Variants in L3MBTL3 observed in about 807,000 individuals in gnomAD.
The protein encoded by L3MBTL3 is L3MBTL histone methyl-lysine binding protein 3, also known as lethal(3)malignant brain tumor-like protein 3.
A neutral mutation model predicts 102.3 loss-of-function variants in L3MBTL3; 27 were observed. The ratio of observed to expected loss-of-function variants is 0.26; its 90% CI spans 0.19 to 0.36. The LOEUF (loss-of-function observed/expected upper bound fraction) is 0.36, where lower values mean the gene tolerates loss of function less well. Ranked by LOEUF, L3MBTL3 falls within the 10% of genes least tolerant of loss-of-function variation. L3MBTL3 has a pLI of 1.00. For synonymous variants in L3MBTL3, 340 were observed against 320.9 expected, an observed-to-expected ratio of 1.06 and a Z score of -0.64; for missense variants, 798 against 955.3, an observed-to-expected ratio of 0.84 and a Z score of 2.17.
Position 130,052,976 on chromosome 6 carries a change from G to C in L3MBTL3, c.567G>C (p.Glu189Asp). The C allele has an allele frequency of 6.2e-7, 1 of 1,613,454 alleles. No individual in the cohort carries two copies. Among genetic ancestry groups the C allele is most frequent in the Non-Finnish European group, 8.5e-7 (1 of 1,179,404 alleles). Residue 189 changes from glutamate to aspartate, a missense_variant, in exon 7 of 23, where the codon GAG becomes GAC. Physicochemically the swap from Glu to Asp is conservative, Grantham distance 45 (BLOSUM62 2). Transcript: ENST00000361794. ...CTGACACCAAGGAGGATGGAGAAGA[G>C]AGAGATGATGAAATGGTGAGTGCCT... ...LKADTKEDGEERDDEMENKQD... is the reference protein window; with the variant it reads ...LKADTKEDGEDRDDEMENKQD...
chr6:130,070,584 A>G (rs923212552), intron 12 of L3MBTL3, among the ~76,000 whole-genome samples: 4 of 152,156 alleles, frequency 2.6e-5, no homozygotes, highest in African/African-American at 7.2e-5. Flanking sequence ...TTTTGTGTGA[A>G]TAATTTTCAT....
chr6:130,079,764 C>T (rs919516861), intron 14 of L3MBTL3, among the ~76,000 whole-genome samples: 4 of 152,138 alleles, frequency 2.6e-5, no homozygotes, highest in African/African-American at 9.7e-5. Context: ...TCTCCAGTTC[C>T]TTGATACAGT....
At chr6:130,041,781 A>G (rs762708642) in intron 2 of L3MBTL3, among the ~76,000 whole-genome samples, 1 of 152,172 alleles carries the variant, frequency 6.6e-6, no homozygotes, top group Non-Finnish European at 1.5e-5. Flanking sequence ...GTTTGACAAG[A>G]TGTTTCAGTT....
rs1194935431 is a variant in L3MBTL3, at chr6:130,140,716, T to A, written c.*963T>A. On this transcript the variant is annotated 3_prime_UTR_variant, in exon 23 of 23. Transcript: ENST00000361794. Reference sequence around the variant, plus strand: ...GAGCTCATTCTGTCAACAGAAACACTAATCTGTACAGAGCGCTGTCTCAGG... The same window carrying A: ...GAGCTCATTCTGTCAACAGAAACACAAATCTGTACAGAGCGCTGTCTCAGG... 1 of 152,238 alleles carries A rather than the reference T, an allele frequency of 6.6e-6. No individual in the cohort carries two copies. The allele number at this position is 152,238 out of a possible 1,614,324, so 9.4% of individuals were successfully genotyped here.
intron 15 of L3MBTL3, 121 bp from the exon 16 acceptor site, chr6:130,086,019 C>T: frequency 1.5e-6 from 1 of 672,742 alleles, no homozygotes; most frequent in Non-Finnish European, 2.7e-6. Context: ...TTCCAAAGTG[C>T]TGGGATTACA....
At chr6:130,103,352 T>A (rs561657902) in intron 18 of L3MBTL3, among the ~76,000 whole-genome samples, 6 of 152,246 alleles carry the variant, frequency 3.9e-5, no homozygotes, top group Non-Finnish European at 8.8e-5. Flanking sequence ...ATGAGATATC[T>A]GTGATATATC....
rs187234593 is a variant in L3MBTL3, at chr6:130,055,128, A to G, written c.583-43A>G. On this transcript the variant is annotated intron_variant, in intron 7 of 22. Transcript: ENST00000361794. ...GCTCTCTAACTATTCACTGGTGCCA[A>G]TTTCTTGAACTTTAAAGTCATAATT... The G allele has an allele frequency of 3.7e-3, 5,550 of 1,492,864 alleles. 11 individuals carry two copies. Among genetic ancestry groups the G allele is most frequent in the Non-Finnish European group, 4.4e-3 (4,719 of 1,069,862 alleles). The allele number at this position is 1,492,864 out of a possible 1,614,324, so 92.5% of individuals were successfully genotyped here.
intron 19 of L3MBTL3, among the ~76,000 whole-genome samples, chr6:130,116,291 G>C (rs1439704555): frequency 6.6e-6 from 1 of 152,260 alleles, no homozygotes; most frequent in East Asian, 1.9e-4. Flanking sequence ...CCCCTCTGAC[G>C]TAAAGGATTT....
At chr6:130,100,072 T>A (rs1784591637) in intron 18 of L3MBTL3, among the ~76,000 whole-genome samples, 2 of 152,184 alleles carry the variant, frequency 1.3e-5, no homozygotes. Context: ...TAGCCACAGT[T>A]CCTAATGTAA....
Position 130,139,885 on chromosome 6 carries a change from A to G in L3MBTL3, c.*132A>G. 1 of 780,794 alleles carries G rather than the reference A, an allele frequency of 1.3e-6. No homozygotes were observed. Among genetic ancestry groups the G allele is most frequent in the Non-Finnish European group, 2.1e-6 (1 of 483,374 alleles). The allele number at this position is 780,794 out of a possible 1,614,324, so 48.4% of individuals were successfully genotyped here. Reference sequence around the variant, plus strand: ...AGAGCAACACTATCGGATTATTTATATTACTCAAGAGACAATATATATGAA... The same window carrying G: ...AGAGCAACACTATCGGATTATTTATGTTACTCAAGAGACAATATATATGAA... On this transcript the variant is annotated 3_prime_UTR_variant, in exon 23 of 23. Transcript: ENST00000361794.
chr6:130,026,170 C>A lies in L3MBTL3; in HGVS notation c.-16+3865C>A, dbSNP rs140768312. ...TGTATATCGAGTGCCTTCTGAAGAT[C>A]AAGCATTAAGCTAGATGCTTTATAT... On this transcript the variant is annotated intron_variant, in intron 2 of 22. Coordinates refer to ENST00000361794, the MANE Select transcript of L3MBTL3 (RefSeq NM_032438.4). 7.7e-3 allele frequency among the ~76,000 whole-genome samples: 1,172 copies of A among 152,248 alleles called. 20 individuals carry two copies. The highest frequency in any genetic ancestry group is 0.027 in the African/African-American group (1,105 of 41,540).
chr6:130,088,732 T>G (rs1234861592), intron 16 of L3MBTL3, among the ~76,000 whole-genome samples: 2 of 152,166 alleles, frequency 1.3e-5, no homozygotes, highest in African/African-American at 4.8e-5. Context: ...GCTTAGGACC[T>G]TTTTATCTGT....
intron 2 of L3MBTL3, among the ~76,000 whole-genome samples, chr6:130,031,847 T>C (rs1423914838): frequency 3.3e-5 from 5 of 151,998 alleles, no homozygotes; most frequent in Admixed American, 6.5e-5. Context: ...AATATTACTA[T>C]TATAGTAATA....
chr6:130,087,364 A>G (rs1562299060), intron 16 of L3MBTL3, among the ~76,000 whole-genome samples: 1 of 152,180 alleles, frequency 6.6e-6, no homozygotes, highest in Non-Finnish European at 1.5e-5. Flanking sequence ...TAAGTCATAA[A>G]GCAATCAGTA....
intron 18 of L3MBTL3, among the ~76,000 whole-genome samples, chr6:130,103,359 T>C (rs1393155694): frequency 6.6e-6 from 1 of 152,240 alleles, no homozygotes; most frequent in South Asian, 2.1e-4. Context: ...ATCTGTGATA[T>C]ATCTTATAGG....
At chr6:130,100,901 T>G (rs1477662724) in intron 18 of L3MBTL3, among the ~76,000 whole-genome samples, 1 of 152,154 alleles carries the variant, frequency 6.6e-6, no homozygotes, top group Non-Finnish European at 1.5e-5. Context: ...GTGGATGAGG[T>G]AAAGAAGAGA....
intron 18 of L3MBTL3, among the ~76,000 whole-genome samples, chr6:130,099,122 C>A (rs974493443): frequency 6.6e-6 from 1 of 152,048 alleles, no homozygotes. Flanking sequence ...AAAAAACATT[C>A]TTAGAGGAGC....
intron 19 of L3MBTL3, among the ~76,000 whole-genome samples, chr6:130,105,009 T>C (rs1166449806): frequency 6.6e-6 from 1 of 152,184 alleles, no homozygotes; most frequent in Non-Finnish European, 1.5e-5. Context: ...ATTATTTCAT[T>C]TAATTATTAA....
chr6:130,124,847 G>A (rs7738240), intron 20 of L3MBTL3, among the ~76,000 whole-genome samples: 2,072 of 152,178 alleles, frequency 0.014, 43 homozygotes, highest in African/African-American at 0.047. Flanking sequence ...GCTCATGGCT[G>A]TAATCCCAGC....
Sources: allele counts gnomAD v4.1 joint callset (sites outside exome capture counted in the v4.1 genomes callset), GRCh38; gene constraint gnomAD v4.1.1; transcripts MANE v1.5; gene names NCBI Gene and HGNC (gene_info 2026-07-23, HGNC 2026-07-21).